CDK14: variants seen among roughly 807,000 people sequenced by gnomAD.
The protein encoded by CDK14 is cyclin dependent kinase 14.
A neutral mutation model predicts 60.7 loss-of-function variants in CDK14; 34 were observed. That is an observed-to-expected ratio of 0.56 (90% CI 0.43 to 0.75). The LOEUF is 0.75. CDK14 is among the 30% of genes least tolerant of loss of function. The pLI is 0.00. For synonymous variants in CDK14, 197 were observed against 203.7 expected (o/e 0.97, Z 0.28); for missense variants, 482 against 564.1 (o/e 0.85, Z 1.47).
Position 90,596,344 on chromosome 7 carries a change from GCGGCGGCGGCGCGGCGCGGGGCCACCA to G in CDK14, c.-272_-246del, listed in dbSNP as rs1275258353. Among the ~76,000 whole-genome samples, 7 of 150,122 alleles carry G rather than the reference GCGGCGGCGGCGCGGCGCGGGGCCACCA, an allele frequency of 4.7e-5. No individual in the cohort carries two copies. Among genetic ancestry groups the G allele is most frequent in the African/African-American group, 1.2e-4 (5 of 41,182 alleles). On this transcript the variant is annotated 5_prime_UTR_variant, in exon 1 of 15. Transcript: ENST00000380050. ...TTACAAAGGAGGGAAAATGAGCCGG[GCGGCGGCGGCGCGGCGCGGGGCCACCA>G]CGGCGGCGGCGAGCGCGGCCGCCCC...
chr7:91,094,674 G>A (rs896281538), intron 12 of CDK14, among the ~76,000 whole-genome samples: 2 of 152,154 alleles, frequency 1.3e-5, no homozygotes, highest in African/African-American at 4.8e-5. Context: ...ACCAAACAGG[G>A]CTGAGACTAG....
At chr7:90,761,210 A>G (rs976988580) in intron 4 of CDK14, among the ~76,000 whole-genome samples, 28 of 152,176 alleles carry the variant, frequency 1.8e-4, no homozygotes, top group African/African-American at 6.5e-4. Flanking sequence ...CATGTTTATT[A>G]TCAGGTTCTT....
At chr7:90,930,572 G>C (rs577593433) in intron 8 of CDK14, among the ~76,000 whole-genome samples, 2 of 129,982 alleles carry the variant, frequency 1.5e-5, no homozygotes, top group Admixed American at 1.7e-4. Flanking sequence ...TCAAGGTGTA[G>C]ACTTCAGTGT....
chr7:90,686,088 T>C (rs1801428940), intron 2 of CDK14, among the ~76,000 whole-genome samples: 1 of 152,178 alleles, frequency 6.6e-6, no homozygotes, highest in South Asian at 2.1e-4. Flanking sequence ...AATATTTTCA[T>C]CTTTAAGATG....
At chr7:90,931,367 A>G (rs371149156) in intron 8 of CDK14, among the ~76,000 whole-genome samples, 3 of 152,256 alleles carry the variant, frequency 2.0e-5, no homozygotes, top group East Asian at 1.9e-4. Context: ...AGAATGTGCA[A>G]GTTGGCCCTT....
chr7:90,784,451 G>C (rs952825021), intron 4 of CDK14, among the ~76,000 whole-genome samples: 1 of 152,190 alleles, frequency 6.6e-6, no homozygotes, highest in African/African-American at 2.4e-5. Context: ...ATAAATGGTT[G>C]AGGTGGTGGA....
At chr7:90,668,809 A>G (rs1801043254) in intron 2 of CDK14, among the ~76,000 whole-genome samples, 1 of 149,820 alleles carries the variant, frequency 6.7e-6, no homozygotes, top group South Asian at 2.1e-4. Context: ...TCTGGGCCCA[A>G]GCAATCTTCA....
At chr7:91,030,328 T>A (rs928879866) in intron 10 of CDK14, among the ~76,000 whole-genome samples, 2 of 152,156 alleles carry the variant, frequency 1.3e-5, no homozygotes, top group African/African-American at 4.8e-5. Context: ...TAGCAGCGTC[T>A]TTTTTTAGAA....
intron 2 of CDK14, among the ~76,000 whole-genome samples, chr7:90,691,225 C>T: frequency 6.6e-6 from 1 of 151,982 alleles, no homozygotes; most frequent in Non-Finnish European, 1.5e-5. Flanking sequence ...CAGTCCTGCC[C>T]TCCCGGAACT....
At position 90,928,112 on chromosome 7, in the gene CDK14, G is replaced by A. The variant is rs188951678; in HGVS notation, c.826+10388G>A. ...CACTGGTTATTCTAGTTAGCCATTC[G>A]TCTAATCTTTTTTTCAAGGTTTTTA... is the stretch of plus-strand genomic sequence containing the variant. On this transcript the variant is annotated intron_variant, in intron 8 of 14. Coordinates refer to ENST00000380050, the MANE Select transcript of CDK14 (RefSeq NM_001287135.2). Among the ~76,000 whole-genome samples the A allele has an allele frequency of 4.5e-3, 680 of 152,120 alleles. 7 individuals are homozygous for A. The highest frequency in any genetic ancestry group is 0.013 in the African/African-American group (545 of 41,488).
At chr7:90,628,263 G>T (rs894629242) in intron 2 of CDK14, among the ~76,000 whole-genome samples, 2 of 152,122 alleles carry the variant, frequency 1.3e-5, no homozygotes, top group Admixed American at 6.6e-5. Flanking sequence ...GGCCAGAAAG[G>T]TGATTTTTTA....
At chr7:90,973,459 T>C (rs1794984738) in intron 9 of CDK14, among the ~76,000 whole-genome samples, 1 of 152,124 alleles carries the variant, frequency 6.6e-6, no homozygotes, top group Admixed American at 6.6e-5. Flanking sequence ...AACGAAAATC[T>C]AGGCAGTGTT....
intron 5 of CDK14, among the ~76,000 whole-genome samples, chr7:90,822,800 T>C (rs575998931): frequency 2.0e-5 from 3 of 152,308 alleles, no homozygotes; most frequent in African/African-American, 7.2e-5. Context: ...ATCAGTATTG[T>C]AGTAACTCGT....
At chr7:90,647,792 G>T (rs1241866704) in intron 2 of CDK14, among the ~76,000 whole-genome samples, 1 of 152,074 alleles carries the variant, frequency 6.6e-6, no homozygotes, top group Non-Finnish European at 1.5e-5. Context: ...GGAGTTCGAG[G>T]CTGCAGTGAG....
intron 2 of CDK14, among the ~76,000 whole-genome samples, chr7:90,620,169 GCTTT>G (rs1799736754): frequency 6.6e-6 from 1 of 152,160 alleles, no homozygotes; most frequent in Non-Finnish European, 1.5e-5. Context: ...ATATTTATGA[GCTTT>G]CAGTGGGACA....
At chr7:90,664,957 A>G (rs1290071910) in intron 2 of CDK14, among the ~76,000 whole-genome samples, 1 of 152,136 alleles carries the variant, frequency 6.6e-6, no homozygotes, top group African/African-American at 2.4e-5. Context: ...AAATTTAAAA[A>G]GAAATCATGT....
chr7:91,188,163 C>T (rs1030115019), intron 14 of CDK14, among the ~76,000 whole-genome samples: 15 of 152,140 alleles, frequency 9.9e-5, no homozygotes, highest in African/African-American at 3.6e-4. Context: ...TCTTCTTCTG[C>T]ATGGTTACTG....
At chr7:91,082,717 A>G (rs1330364879) in intron 12 of CDK14, among the ~76,000 whole-genome samples, 1 of 152,220 alleles carries the variant, frequency 6.6e-6, no homozygotes, top group Non-Finnish European at 1.5e-5. Context: ...CTTCCAAGAC[A>G]TATTTTAAAG....
At chr7:91,078,342 C>T (rs1370476929) in intron 11 of CDK14, among the ~76,000 whole-genome samples, 1 of 152,196 alleles carries the variant, frequency 6.6e-6, no homozygotes, top group East Asian at 1.9e-4. Flanking sequence ...CGCAGTGGCT[C>T]ACTTGTGTAA....
Sources: allele counts gnomAD v4.1 joint callset (sites outside exome capture counted in the v4.1 genomes callset), GRCh38; gene constraint gnomAD v4.1.1; transcripts MANE v1.5; gene names NCBI Gene and HGNC (gene_info 2026-07-23, HGNC 2026-07-21).